Variants in MYRIP observed in about 807,000 individuals in gnomAD.
The protein encoded by MYRIP is myosin VIIA and Rab interacting protein.
MYRIP carries 49 observed loss-of-function variants against 98.0 expected under a neutral mutation model. The observed-to-expected ratio is 0.50, with a 90% confidence interval of 0.40 to 0.63. The LOEUF is 0.63. Among genes scored for constraint, MYRIP ranks in the 30% least tolerant of loss-of-function variants. The pLI, the probability that MYRIP is intolerant of heterozygous loss-of-function variation, is 0.00. For missense variants in MYRIP, 1,004 were observed against 1,058.2 expected, an observed-to-expected ratio of 0.95 and a Z score of 0.71; for synonymous variants, 404 against 409.5, an observed-to-expected ratio of 0.99 and a Z score of 0.16.
chr3:39,880,199 C>G (rs1440857483), intron 1 of MYRIP, among the ~76,000 whole-genome samples: 1 of 152,118 alleles, frequency 6.6e-6, no homozygotes, highest in Non-Finnish European at 1.5e-5. Flanking sequence ...TAATGCTATC[C>G]CTTCCCACTC....
chr3:40,005,456 A>T (rs1166162546), intron 2 of MYRIP, among the ~76,000 whole-genome samples: 2 of 152,400 alleles, frequency 1.3e-5, no homozygotes, highest in South Asian at 4.1e-4. Context: ...TTTATTGGCC[A>T]TTATACTTGT....
chr3:39,813,983 C>T (rs1271719355), intron 1 of MYRIP, among the ~76,000 whole-genome samples: 2 of 152,090 alleles, frequency 1.3e-5, no homozygotes, highest in Non-Finnish European at 1.5e-5. Flanking sequence ...CTCATTTTAG[C>T]TTAGCATTCC....
chr3:39,837,842 C>T (rs1941675148), intron 1 of MYRIP, among the ~76,000 whole-genome samples: 1 of 152,178 alleles, frequency 6.6e-6, no homozygotes, highest in African/African-American at 2.4e-5. Context: ...TTCTTCTTAT[C>T]CATGAGCATG....
chr3:39,973,178 A>G (rs892669034), intron 2 of MYRIP, among the ~76,000 whole-genome samples: 2 of 152,190 alleles, frequency 1.3e-5, no homozygotes, highest in Non-Finnish European at 2.9e-5. Context: ...AGAGACACAC[A>G]TAGTTTCAAA....
intron 8 of MYRIP, among the ~76,000 whole-genome samples, chr3:40,179,400 T>C (rs1339157579): frequency 6.6e-6 from 1 of 152,178 alleles, no homozygotes; most frequent in African/African-American, 2.4e-5. Flanking sequence ...GAGAGGGACT[T>C]TTCATTTGTT....
rs954626301 is a variant in MYRIP at position 40,258,406 on chromosome 3, A to C, written c.*240A>C. ...CCAGGGGAATCCAAGACAGAAAATG[A>C]AGACACTGGCTTCCAACAGCAGCGC... On this transcript the variant is annotated 3_prime_UTR_variant, in exon 17 of 17. Transcript: ENST00000302541. The C allele has an allele frequency of 1.7e-5, 8 of 478,820 alleles. No homozygotes were observed. The highest frequency in any genetic ancestry group is 3.0e-5 in the Non-Finnish European group (8 of 265,672). The allele number at this position is 478,820 out of a possible 1,614,324, so 29.7% of individuals were successfully genotyped here. A position where few individuals can be genotyped will look rare whatever the true frequency, so the allele number is the denominator to read the frequency against.
chr3:40,213,629 G>GAC (rs1433708266), intron 11 of MYRIP, among the ~76,000 whole-genome samples: 1 of 74,720 alleles, frequency 1.3e-5, no homozygotes, highest in Non-Finnish European at 3.4e-5. Flanking sequence ...CACACACACA[G>GAC]ACACACACAC....
intron 10 of MYRIP, among the ~76,000 whole-genome samples, chr3:40,196,203 A>G (rs1200702688): frequency 1.3e-5 from 2 of 151,632 alleles, no homozygotes; most frequent in Admixed American, 6.6e-5. Context: ...ACTTTCATTC[A>G]TTAATCCCAG....
chr3:40,193,874 G>A (rs1223881356), intron 10 of MYRIP, among the ~76,000 whole-genome samples: 2 of 104,264 alleles, frequency 1.9e-5, no homozygotes, highest in Non-Finnish European at 4.0e-5. Context: ...GCCTTGATAT[G>A]CAATTTACAT....
chr3:39,972,736 C>A (rs1334320571), intron 2 of MYRIP, among the ~76,000 whole-genome samples: 1 of 152,042 alleles, frequency 6.6e-6, no homozygotes, highest in East Asian at 1.9e-4. Flanking sequence ...TTGCACTCAC[C>A]TGCCATTTGT....
At chr3:39,977,252 C>T (rs59506844) in intron 2 of MYRIP, among the ~76,000 whole-genome samples, 4,178 of 152,074 alleles carry the variant, frequency 0.027, 117 homozygotes, top group African/African-American at 0.072. Flanking sequence ...GGAGTCCATG[C>T]TGAGGACTAG....
At chr3:40,136,170 A>G (rs1046273058) in intron 3 of MYRIP, among the ~76,000 whole-genome samples, 10 of 152,196 alleles carry the variant, frequency 6.6e-5, no homozygotes, top group African/African-American at 2.4e-4. Flanking sequence ...ATAGGCTCAA[A>G]ATAAAGGGCT....
In MYRIP at chr3:40,034,511, A is replaced by T. The variant is rs1052380445; in HGVS notation, c.111-9539A>T. Among the ~76,000 whole-genome samples, 335 of 152,012 alleles carry T rather than the reference A, an allele frequency of 2.2e-3. 3 individuals carry two copies. Among genetic ancestry groups the T allele is most frequent in the African/African-American group, 7.7e-3 (318 of 41,388 alleles). On this transcript the variant is annotated intron_variant, in intron 2 of 16. Transcript: ENST00000302541. ...TGGCCATCAGAGAAATGCAAATCAA[A>T]ACCACAATGAGATACCATCTCACAC...
intron 3 of MYRIP, among the ~76,000 whole-genome samples, chr3:40,076,308 C>T (rs1948342016): frequency 6.6e-6 from 1 of 152,178 alleles, no homozygotes; most frequent in African/African-American, 2.4e-5. Flanking sequence ...TCCAGGTTGG[C>T]CAGTATGTAT....
At chr3:40,213,243 C>T (rs956075957) in intron 11 of MYRIP, among the ~76,000 whole-genome samples, 1 of 152,180 alleles carries the variant, frequency 6.6e-6, no homozygotes, top group Non-Finnish European at 1.5e-5. Flanking sequence ...ATTGAATAAA[C>T]ACATCTTGGC....
chr3:40,175,639 G>T (rs1426718053), intron 8 of MYRIP, among the ~76,000 whole-genome samples: 2 of 152,222 alleles, frequency 1.3e-5, no homozygotes, highest in East Asian at 3.8e-4. Context: ...GCCCCCCAGG[G>T]GTGACACATA....
intron 2 of MYRIP, among the ~76,000 whole-genome samples, chr3:40,009,330 G>A (rs533984662): frequency 2.7e-5 from 4 of 149,600 alleles, no homozygotes; most frequent in African/African-American, 7.4e-5. Context: ...TCCGCCTCCC[G>A]GGTTCAAGCG....
chr3:40,237,272 T>G (rs1240187458), intron 12 of MYRIP, among the ~76,000 whole-genome samples: 1 of 152,188 alleles, frequency 6.6e-6, no homozygotes, highest in East Asian at 1.9e-4. Context: ...ACTTTCCATC[T>G]TTTCTGTTCA....
At chr3:40,069,957 G>C (rs1948191664) in intron 3 of MYRIP, among the ~76,000 whole-genome samples, 1 of 152,182 alleles carries the variant, frequency 6.6e-6, no homozygotes, top group African/African-American at 2.4e-5. Context: ...TATGCTTAAA[G>C]TGGTTCGCAG....
Sources: allele counts gnomAD v4.1 joint callset (sites outside exome capture counted in the v4.1 genomes callset), GRCh38; gene constraint gnomAD v4.1.1; transcripts MANE v1.5; gene names NCBI Gene and HGNC (gene_info 2026-07-23, HGNC 2026-07-21).